Variants in NDRG1 observed in about 807,000 individuals in gnomAD.
NDRG1 encodes the protein protein NDRG1.
Under a neutral mutation model 56.9 loss-of-function variants are expected in NDRG1, and 32 were observed. The ratio of observed to expected loss-of-function variants is 0.56; its 90% CI spans 0.42 to 0.76. NDRG1 has a LOEUF of 0.76. NDRG1 is among the 30% of genes least tolerant of loss of function. NDRG1 has a pLI of 0.00. For synonymous variants in NDRG1, 211 were observed against 204.1 expected (o/e 1.03, Z -0.29); for missense variants, 507 against 545.7 (o/e 0.93, Z 0.71).
intron 11 of NDRG1, 133 bp from the exon 12 acceptor site, chr8:133,248,059 T>C (rs1855791598): frequency 1.2e-6 from 1 of 814,480 alleles, no homozygotes; most frequent in Non-Finnish European, 2.1e-6. Context: ...TTTGCTCTTT[T>C]ACTTCATTCT....
chr8:133,275,896 C>G (rs1857432037), intron 3 of NDRG1, among the ~76,000 whole-genome samples: 1 of 152,200 alleles, frequency 6.6e-6, no homozygotes, highest in African/African-American at 2.4e-5. Flanking sequence ...ACATTCTGTG[C>G]TCGGCAGTGC....
intron 4 of NDRG1, among the ~76,000 whole-genome samples, 193 bp downstream of exon 4, chr8:133,264,354 G>A (rs1038411812): frequency 2.0e-5 from 3 of 152,254 alleles, no homozygotes; most frequent in Non-Finnish European, 4.4e-5. Context: ...CGGGCACACA[G>A]ACAACTCCGT....
intron 3 of NDRG1, among the ~76,000 whole-genome samples, chr8:133,279,110 G>A (rs975265327): frequency 6.8e-4 from 103 of 152,164 alleles, no homozygotes; most frequent in African/African-American, 2.5e-3. Flanking sequence ...GGCTGGCCTC[G>A]AGCTCCTGAC....
chr8:133,274,168 G>A (rs1270881202), intron 3 of NDRG1, among the ~76,000 whole-genome samples: 4 of 152,194 alleles, frequency 2.6e-5, no homozygotes, highest in East Asian at 1.9e-4. Flanking sequence ...GCCTAAAGGC[G>A]ATGCCAGTGA....
In NDRG1 at chr8:133,250,485, T is replaced by C. The variant is rs1855952993; in HGVS notation, c.653A>G (p.Asp218Gly). ...CAGGTGCAGGTTGCCGGGGTTCATGTCATTCACAATGTGCTGGCGGTAGGT... is the reference window on the plus strand; with the variant it reads ...CAGGTGCAGGTTGCCGGGGTTCATGCCATTCACAATGTGCTGGCGGTAGGT... Reference protein sequence around the residue: ...VHTYRQHIVNDMNPGNLHLFI... With the variant: ...VHTYRQHIVNGMNPGNLHLFI... Residue 218 changes from aspartate (D) to glycine (G), a missense_variant, in exon 10 of 16, where the codon GAC becomes GGC. Transcript: ENST00000323851. 1 of 1,614,124 alleles carries C rather than the reference T, an allele frequency of 6.2e-7. No individual in the cohort carries two copies. The highest frequency in any genetic ancestry group is 8.5e-7 in the Non-Finnish European group (1 of 1,180,016).
intron 7 of NDRG1, among the ~76,000 whole-genome samples, chr8:133,257,308 CACACACACAG>C (rs990882578): frequency 6.1e-4 from 66 of 108,584 alleles, no homozygotes; most frequent in South Asian, 1.2e-3. Flanking sequence ...CACACACACA[CACACACACAG>C]AGAGAGAGAC....
chr8:133,250,953 T>C (rs1855990389), intron 9 of NDRG1, among the ~76,000 whole-genome samples: 1 of 151,692 alleles, frequency 6.6e-6, no homozygotes, highest in East Asian at 1.9e-4. Flanking sequence ...TGTTGCCTAC[T>C]TCACTAGGTT....
intron 5 of NDRG1, 174 bp from the exon 6 acceptor site, chr8:133,259,404 C>CT (rs986984882): frequency 1.5e-6 from 1 of 671,736 alleles, no homozygotes; most frequent in African/African-American, 1.8e-5. Context: ...GCAGCACACT[C>CT]TATCAATTGC....
chr8:133,272,460 G>T (rs1371949102), intron 3 of NDRG1, among the ~76,000 whole-genome samples: 2 of 152,228 alleles, frequency 1.3e-5, no homozygotes, highest in Admixed American at 1.3e-4. Flanking sequence ...CCCCAGGGAG[G>T]TCAAGCGAGT....
chr8:133,283,352 C>A (rs1763721817), intron 2 of NDRG1, among the ~76,000 whole-genome samples: 1 of 152,198 alleles, frequency 6.6e-6, no homozygotes, highest in Non-Finnish European at 1.5e-5. Context: ...AAAGCTTCCA[C>A]ATTTTTAAAA....
At chr8:133,249,855 G>C (rs966844514) in intron 10 of NDRG1, among the ~76,000 whole-genome samples, 1 of 152,198 alleles carries the variant, frequency 6.6e-6, no homozygotes, top group Non-Finnish European at 1.5e-5. Context: ...CCTGTTCTGC[G>C]AGCGTGGCAG....
chr8:133,280,162 C>T, intron 3 of NDRG1, 70 bp downstream of exon 3: 1 of 1,575,806 alleles, frequency 6.3e-7, no homozygotes, highest in South Asian at 1.1e-5. Context: ...CTACTTAAAC[C>T]AATGGAAAGA....
chr8:133,290,640 G>T (rs1371148828), intron 1 of NDRG1, among the ~76,000 whole-genome samples: 1 of 152,196 alleles, frequency 6.6e-6, no homozygotes, highest in Non-Finnish European at 1.5e-5. Context: ...TGACCATGAG[G>T]CTTTCAGCGT....
rs776987765 is a variant in NDRG1, at chr8:133,262,024, T to A, written c.326+23A>T. 4.4e-6 allele frequency: 7 copies of A among 1,599,614 alleles called. No individual in the cohort carries two copies. The Admixed American group carries it at 8.8e-5, about 20-fold the overall frequency. On this transcript the variant is annotated intron_variant, in intron 5 of 15. Coordinates refer to ENST00000323851, the MANE Select transcript of NDRG1 (RefSeq NM_006096.4). ...ACACCCAGTTTCCACCCTGTAGAGCTCATAGGGCAAGAGGCCTCTCACCCT... is the reference window on the plus strand; with the variant it reads ...ACACCCAGTTTCCACCCTGTAGAGCACATAGGGCAAGAGGCCTCTCACCCT...
At chr8:133,262,597 G>T (rs1490302069) in intron 4 of NDRG1, among the ~76,000 whole-genome samples, 1 of 152,142 alleles carries the variant, frequency 6.6e-6, no homozygotes, top group Non-Finnish European at 1.5e-5. Context: ...GAGGAGCATG[G>T]GAGGTGAGGC....
intron 3 of NDRG1, among the ~76,000 whole-genome samples, chr8:133,266,660 C>T (rs1434107834): frequency 1.3e-5 from 2 of 152,216 alleles, no homozygotes; most frequent in African/African-American, 4.8e-5. Flanking sequence ...CGGATTCCAC[C>T]TCTGCTACTT....
chr8:133,278,629 T>C (rs1440618226), intron 3 of NDRG1, among the ~76,000 whole-genome samples: 2 of 152,132 alleles, frequency 1.3e-5, no homozygotes. Flanking sequence ...GGCCTCAGTA[T>C]ACCCATCTGA....
At position 133,286,442 on chromosome 8, in the gene NDRG1, G is replaced by C. The variant is rs528529716; in HGVS notation, c.-18-2113C>G. Among the ~76,000 whole-genome samples, 4 of 152,328 alleles carry C rather than the reference G, an allele frequency of 2.6e-5. No individual in the cohort carries two copies. The East Asian group carries it at 7.7e-4, about 29-fold the overall frequency. On this transcript the variant is annotated intron_variant, in intron 1 of 15. Coordinates refer to ENST00000323851, the MANE Select transcript of NDRG1 (RefSeq NM_006096.4). Reference sequence around the variant, plus strand: ...CTCGTTCTCCAGAACAGAAAAGACAGAAATGTCCACCTTCCCCGTTTCCTC... The same window carrying C: ...CTCGTTCTCCAGAACAGAAAAGACACAAATGTCCACCTTCCCCGTTTCCTC...
intron 2 of NDRG1, among the ~76,000 whole-genome samples, chr8:133,281,829 C>T (rs150651853): frequency 1.3e-5 from 2 of 152,246 alleles, no homozygotes; most frequent in East Asian, 3.9e-4. Context: ...GTGGCTGGCA[C>T]CTATACCATT....
Sources: allele counts gnomAD v4.1 joint callset (sites outside exome capture counted in the v4.1 genomes callset), GRCh38; gene constraint gnomAD v4.1.1; transcripts MANE v1.5; gene names NCBI Gene and HGNC (gene_info 2026-07-23, HGNC 2026-07-21).